The following VOPP1 variants were observed in gnomAD, a reference collection of about 807,000 sequenced individuals.
VOPP1 encodes the protein WW domain binding protein VOPP1.
VOPP1 carries 8 observed loss-of-function variants against 23.5 expected under a neutral mutation model. That is an observed-to-expected ratio of 0.34 (90% confidence interval 0.20 to 0.61). VOPP1 has a LOEUF of 0.61. VOPP1 is among the 20% of genes least tolerant of loss of function. The probability of loss-of-function intolerance (pLI) is 0.78; values close to 1 mark genes in which losing one functional copy is unlikely to be tolerated. For missense variants in VOPP1, 174 were observed against 238.1 expected (o/e 0.73, Z 1.77); for synonymous variants, 83 against 97.3 (o/e 0.85, Z 0.86).
chr7:55,456,005 A>G (rs1181198940), intron 4 of VOPP1, among the ~76,000 whole-genome samples: 1 of 152,236 alleles, frequency 6.6e-6, no homozygotes, highest in African/African-American at 2.4e-5. Context: ...CTATCATCAG[A>G]GTGAACAGGC....
At chr7:55,449,346 C>G (rs1583796310) in intron 4 of VOPP1, among the ~76,000 whole-genome samples, 1 of 152,162 alleles carries the variant, frequency 6.6e-6, no homozygotes, top group East Asian at 1.9e-4. Context: ...TCCCGCGGCG[C>G]CACTGCGGCC....
chr7:55,561,906 T>G, intron 1 of VOPP1: 1 of 701,524 alleles, frequency 1.4e-6, no homozygotes, highest in South Asian at 1.5e-5. Flanking sequence ...GGTCTTCAAG[T>G]ATGGTGGGAG....
chr7:55,543,191 A>C (rs991900879), intron 1 of VOPP1, among the ~76,000 whole-genome samples: 1 of 152,194 alleles, frequency 6.6e-6, no homozygotes, highest in Non-Finnish European at 1.5e-5. Context: ...CTGGGATTAC[A>C]GGCATGAGCC....
chr7:55,561,460 C>T (rs1047365386), intron 1 of VOPP1, among the ~76,000 whole-genome samples: 2 of 152,034 alleles, frequency 1.3e-5, no homozygotes, highest in Non-Finnish European at 2.9e-5. Context: ...CCTGTAGTCC[C>T]AGCTCTCTGG....
intron 4 of VOPP1, among the ~76,000 whole-genome samples, chr7:55,473,891 G>A (rs532288754): frequency 3.3e-5 from 5 of 152,196 alleles, no homozygotes; most frequent in Non-Finnish European, 7.3e-5. Context: ...AGCTGCCCCT[G>A]TGTGAATATT....
intron 1 of VOPP1, among the ~76,000 whole-genome samples, chr7:55,548,989 G>A (rs1220885088): frequency 1.3e-5 from 2 of 152,164 alleles, no homozygotes; most frequent in African/African-American, 4.8e-5. Flanking sequence ...CCATCTGGAG[G>A]CACGGGGCCT....
At chr7:55,439,265 G>T (rs528364692) in intron 4 of VOPP1, among the ~76,000 whole-genome samples, 11 of 152,230 alleles carry the variant, frequency 7.2e-5, no homozygotes, top group African/African-American at 2.6e-4. Flanking sequence ...AGTCACTGAG[G>T]TAGGGAGACA....
intron 4 of VOPP1, among the ~76,000 whole-genome samples, chr7:55,443,965 TG>T (rs1296865765): frequency 1.3e-5 from 2 of 152,168 alleles, no homozygotes; most frequent in Non-Finnish European, 2.9e-5. Context: ...TAATTCAGAT[TG>T]ATATGTTGCC....
intron 1 of VOPP1, among the ~76,000 whole-genome samples, chr7:55,546,413 A>C (rs1797370837): frequency 6.6e-6 from 1 of 152,230 alleles, no homozygotes; most frequent in South Asian, 2.1e-4. Flanking sequence ...GCAAAACTGA[A>C]ATGAGCCTAA....
In VOPP1 at chr7:55,492,385, G is replaced by A. The variant is rs776114643; in HGVS notation, c.225C>T (p.Cys75=). ...FLLMMGVLFC[C]GAGFFIRRRM... is the part of the protein sequence containing the mutation. ...GCCTCCGGATGAAGAAGCCGGCTCC[G>A]CAGCAGAAAAGCACGCCCATCATCA... Residue 75 remains cysteine (C), a synonymous_variant, in exon 4 of 5, where the codon TGC becomes TGT. Coordinates refer to ENST00000285279, the MANE Select transcript of VOPP1 (RefSeq NM_030796.5). 1.1e-5 allele frequency: 18 copies of A among 1,610,310 alleles called. 1 individual carries two copies. Among genetic ancestry groups the A allele is most frequent in the Admixed American group, 3.4e-5 (2 of 59,530 alleles).
intron 3 of VOPP1, among the ~76,000 whole-genome samples, chr7:55,497,015 C>T (rs575228725): frequency 3.3e-5 from 5 of 152,204 alleles, no homozygotes; most frequent in African/African-American, 9.6e-5. Context: ...ATGCTCGGGG[C>T]ACTCCAGCAG....
At chr7:55,511,784 A>T (rs1795087252) in intron 2 of VOPP1, among the ~76,000 whole-genome samples, 1 of 152,174 alleles carries the variant, frequency 6.6e-6, no homozygotes, top group East Asian at 1.9e-4. Flanking sequence ...ACATATATTG[A>T]TGATATCTCA....
At chr7:55,556,061 T>A (rs1415767409) in intron 1 of VOPP1, among the ~76,000 whole-genome samples, 1 of 152,222 alleles carries the variant, frequency 6.6e-6, no homozygotes, top group Non-Finnish European at 1.5e-5. Flanking sequence ...GCTGCTTACC[T>A]ATGAGGGGCC....
At chr7:55,564,169 G>A (rs533203388) in intron 1 of VOPP1, among the ~76,000 whole-genome samples, 13 of 151,658 alleles carry the variant, frequency 8.6e-5, no homozygotes, top group African/African-American at 2.9e-4. Context: ...CCAACTAAAG[G>A]GAAGGAGGGG....
intron 4 of VOPP1, among the ~76,000 whole-genome samples, chr7:55,479,410 C>T (rs1323822164): frequency 6.6e-6 from 1 of 150,656 alleles, no homozygotes; most frequent in African/African-American, 2.4e-5. Flanking sequence ...CAGCTCAGTA[C>T]TGGCATTTCT....
intron 4 of VOPP1, among the ~76,000 whole-genome samples, chr7:55,444,706 G>C (rs924952621): frequency 8.6e-6 from 1 of 116,368 alleles, no homozygotes; most frequent in African/African-American, 3.3e-5. Context: ...TGCCAGCTTC[G>C]TAGAAACTCT....
chr7:55,488,990 C>A (rs1225623271), intron 4 of VOPP1, among the ~76,000 whole-genome samples: 1 of 152,264 alleles, frequency 6.6e-6, no homozygotes, highest in African/African-American at 2.4e-5. Flanking sequence ...GCCCCCAGGG[C>A]CCATGCCACA....
chr7:55,439,358 A>G (rs1466696773), intron 4 of VOPP1, among the ~76,000 whole-genome samples: 1 of 152,138 alleles, frequency 6.6e-6, no homozygotes, highest in African/African-American at 2.4e-5. Context: ...GACAAAAGCC[A>G]AGCACTGGTC....
chr7:55,483,113 T>C (rs1792866057), intron 4 of VOPP1, among the ~76,000 whole-genome samples: 1 of 152,194 alleles, frequency 6.6e-6, no homozygotes. Flanking sequence ...GCTGAACTTG[T>C]ATGACTGTGG....
Sources: allele counts gnomAD v4.1 joint callset (sites outside exome capture counted in the v4.1 genomes callset), GRCh38; gene constraint gnomAD v4.1.1; transcripts MANE v1.5; gene names NCBI Gene and HGNC (gene_info 2026-07-23, HGNC 2026-07-21).